RIC1: variants seen among roughly 807,000 people sequenced by gnomAD.
RIC1 encodes the protein RIC1 partner of RAB6A GEF complex, also known as guanine nucleotide exchange factor subunit RIC1.
A neutral mutation model predicts 169.0 loss-of-function variants in RIC1; 88 were observed. The observed-to-expected ratio is 0.52, with a 90% CI of 0.44 to 0.62. The LOEUF is 0.62. RIC1 is among the 20% of genes least tolerant of loss of function. The probability of loss-of-function intolerance (pLI) is 0.00; values close to 1 mark genes in which losing one functional copy is unlikely to be tolerated. For missense variants in RIC1, 1,877 were observed against 1,725.5 expected (o/e 1.09, Z -1.56); for synonymous variants, 790 against 601.5 (o/e 1.31, Z -4.59).
chr9:5,749,425 C>G (rs573555167), intron 12 of RIC1, among the ~76,000 whole-genome samples: 1 of 152,140 alleles, frequency 6.6e-6, no homozygotes, highest in Admixed American at 6.5e-5. Context: ...TGATGACTCC[C>G]TGAAGAAACA....
At chr9:5,686,408 A>G (rs1395389761) in intron 2 of RIC1, among the ~76,000 whole-genome samples, 4 of 152,314 alleles carry the variant, frequency 2.6e-5, no homozygotes, top group African/African-American at 9.6e-5. Flanking sequence ...CTGGATTAAG[A>G]AAATGTGGCA....
At chr9:5,697,712 A>G (rs1436230875) in intron 3 of RIC1, among the ~76,000 whole-genome samples, 1 of 152,346 alleles carries the variant, frequency 6.6e-6, no homozygotes, top group East Asian at 1.9e-4. Context: ...TCTTAGTCCC[A>G]GAATTTACAT....
chr9:5,727,415 G>T (rs867527230), intron 6 of RIC1, among the ~76,000 whole-genome samples: 1 of 152,188 alleles, frequency 6.6e-6, no homozygotes, highest in Non-Finnish European at 1.5e-5. Context: ...TTGCTACGCT[G>T]TTTATTCTAG....
chr9:5,705,882 C>G (rs750152587), intron 3 of RIC1, among the ~76,000 whole-genome samples: 22 of 152,032 alleles, frequency 1.4e-4, no homozygotes, highest in Non-Finnish European at 2.6e-4. Context: ...GATGCTTTTT[C>G]TGCATGAATT....
At chr9:5,757,554 A>C in intron 17 of RIC1, 103 bp downstream of exon 17, 1 of 1,205,304 alleles carries the variant, frequency 8.3e-7, no homozygotes, top group Non-Finnish European at 1.2e-6. Context: ...CTAAGTGTCT[A>C]AAATGTACCT....
chr9:5,743,836 G>T, intron 10 of RIC1, 99 bp downstream of exon 10: 1 of 871,680 alleles, frequency 1.1e-6, no homozygotes, highest in East Asian at 2.5e-5. Flanking sequence ...TTTGAGACAG[G>T]GTCTTACACT....
chr9:5,631,691 A>G (rs536383119), intron 1 of RIC1, among the ~76,000 whole-genome samples: 112 of 151,848 alleles, frequency 7.4e-4, no homozygotes, highest in Non-Finnish European at 1.4e-3. Flanking sequence ...GTCTCAAAAA[A>G]AAAAAAAAAA....
chr9:5,666,456 T>G (rs1012806857), intron 2 of RIC1, among the ~76,000 whole-genome samples: 1 of 152,196 alleles, frequency 6.6e-6, no homozygotes. Flanking sequence ...GGTATCCTTA[T>G]CTTGTTCTTG....
intron 8 of RIC1, among the ~76,000 whole-genome samples, chr9:5,742,198 A>G (rs568511349): frequency 5.9e-5 from 9 of 152,108 alleles, no homozygotes; most frequent in Non-Finnish European, 1.2e-4. Context: ...TCCCAGCTTT[A>G]CATGGGTATC....
At chr9:5,703,561 A>G (rs955398594) in intron 3 of RIC1, among the ~76,000 whole-genome samples, 1 of 152,250 alleles carries the variant, frequency 6.6e-6, no homozygotes, top group African/African-American at 2.4e-5. Context: ...TGGATACACT[A>G]TATAAATATA....
intron 1 of RIC1, among the ~76,000 whole-genome samples, chr9:5,650,392 G>C (rs1360818155): frequency 6.6e-6 from 1 of 152,046 alleles, no homozygotes; most frequent in Non-Finnish European, 1.5e-5. Context: ...GGGGTATGTG[G>C]TGCCAGGCCA....
intron 1 of RIC1, among the ~76,000 whole-genome samples, chr9:5,650,138 T>G (rs1818721451): frequency 6.6e-6 from 1 of 152,014 alleles, no homozygotes; most frequent in South Asian, 2.1e-4. Context: ...CAGGTTTAAT[T>G]GGGTTGATTC....
intron 1 of RIC1, among the ~76,000 whole-genome samples, chr9:5,649,637 GTAT>G (rs1478843655): frequency 5.3e-5 from 8 of 150,870 alleles, no homozygotes; most frequent in Non-Finnish European, 1.0e-4. Context: ...AGTGTCTTTA[GTAT>G]TATTTTGAAT....
In RIC1 at chr9:5,629,200, G is replaced by C. The variant is rs1275196169; in HGVS notation, c.-110G>C. On this transcript the variant is annotated 5_prime_UTR_variant, in exon 1 of 26. Transcript: ENST00000414202. ...CAGCGGGCAGATGCCCCGAGCTGCC[G>C]CCGCCGCCGCCGCCGACTCGGCCGG... is the stretch of plus-strand genomic sequence containing the variant. 3.5e-6 allele frequency: 4 copies of C among 1,153,536 alleles called. No individual in the cohort carries two copies. The highest frequency in any genetic ancestry group is 1.6e-5 in the African/African-American group (1 of 61,290). The allele number at this position is 1,153,536 out of a possible 1,614,324, so 71.5% of individuals were successfully genotyped here.
intron 2 of RIC1, among the ~76,000 whole-genome samples, chr9:5,687,989 C>T (rs1183042069): frequency 6.6e-6 from 1 of 152,028 alleles, no homozygotes; most frequent in Non-Finnish European, 1.5e-5. Context: ...TCTAACCTGT[C>T]ATTCATCCAG....
chr9:5,762,041 C>T (rs1306339808), intron 17 of RIC1, among the ~76,000 whole-genome samples: 1 of 152,186 alleles, frequency 6.6e-6, no homozygotes, highest in African/African-American at 2.4e-5. Context: ...CTGAATCCTC[C>T]TTGAAGGTCT....
intron 2 of RIC1, among the ~76,000 whole-genome samples, chr9:5,663,121 C>T (rs1017658663): frequency 1.3e-5 from 2 of 152,164 alleles, no homozygotes; most frequent in Non-Finnish European, 2.9e-5. Flanking sequence ...GTTCAATTTC[C>T]ATGTAGTTGT....
At chr9:5,760,264 G>T (rs1311129919) in intron 17 of RIC1, among the ~76,000 whole-genome samples, 1 of 152,108 alleles carries the variant, frequency 6.6e-6, no homozygotes, top group African/African-American at 2.4e-5. Flanking sequence ...TCAAATTTAG[G>T]ATTTTGGGCA....
chr9:5,694,747 G>T (rs1034772024), intron 3 of RIC1, among the ~76,000 whole-genome samples: 1 of 150,794 alleles, frequency 6.6e-6, no homozygotes, highest in East Asian at 1.9e-4. Flanking sequence ...ACTGGAGGCT[G>T]TCTCAATGTG....
Sources: gnomAD v4.1 joint callset for allele counts (sites outside exome capture counted in the v4.1 genomes callset) on GRCh38, gnomAD v4.1.1 for gene constraint, MANE v1.5 for transcripts, NCBI Gene and HGNC (gene_info 2026-07-23, HGNC 2026-07-21) for gene names.